Variants in ENOX1 observed in about 807,000 individuals in gnomAD.
ENOX1 encodes the protein ecto-NOX disulfide-thiol exchanger 1.
In ENOX1, 42 loss-of-function variants were observed where a neutral mutation model predicts 82.5. The ratio of observed to expected loss-of-function variants is 0.51; its 90% CI spans 0.40 to 0.66. ENOX1 has a LOEUF of 0.66. ENOX1 is among the 30% of genes least tolerant of loss of function. ENOX1 has a pLI of 0.00. For synonymous variants in ENOX1, 271 were observed against 282.2 expected, an observed-to-expected ratio of 0.96 and a Z score of 0.40; for missense variants, 608 against 811.6, an observed-to-expected ratio of 0.75 and a Z score of 3.05.
chr13:43,676,424 T>A (rs1440205954), intron 1 of ENOX1, among the ~76,000 whole-genome samples: 6 of 152,158 alleles, frequency 3.9e-5, no homozygotes, highest in African/African-American at 1.2e-4. Context: ...TACACTTTCA[T>A]TTTTCATCTA....
intron 12 of ENOX1, among the ~76,000 whole-genome samples, chr13:43,275,196 T>TTTTGTGTA (rs1158646699): frequency 2.0e-5 from 3 of 152,232 alleles, no homozygotes; most frequent in Non-Finnish European, 4.4e-5. Context: ...ACAGACATGC[T>TTTTGTGTA]TTTGTGTATA....
At chr13:43,690,209 A>G (rs1385716409) in intron 1 of ENOX1, among the ~76,000 whole-genome samples, 3 of 151,406 alleles carry the variant, frequency 2.0e-5, no homozygotes, top group Non-Finnish European at 4.4e-5. Flanking sequence ...TTTTGTATTT[A>G]GAACACTCTT....
intron 2 of ENOX1, among the ~76,000 whole-genome samples, chr13:43,569,887 T>C (rs2080099286): frequency 6.6e-6 from 1 of 152,208 alleles, no homozygotes; most frequent in Non-Finnish European, 1.5e-5. Flanking sequence ...CACCACACCC[T>C]GGAAAAAGTT....
intron 2 of ENOX1, among the ~76,000 whole-genome samples, chr13:43,596,712 T>C (rs570644967): frequency 6.6e-6 from 1 of 152,372 alleles, no homozygotes; most frequent in East Asian, 1.9e-4. Flanking sequence ...GAATGGCAGA[T>C]GTACAACATA....
At chr13:43,502,398 G>C (rs1163360347) in intron 2 of ENOX1, among the ~76,000 whole-genome samples, 1 of 151,564 alleles carries the variant, frequency 6.6e-6, no homozygotes. Context: ...CCAAGACAAA[G>C]ATTCCATGAG....
At chr13:43,326,583 G>T in intron 9 of ENOX1, 58 bp from the exon 10 acceptor site, 1 of 1,387,888 alleles carries the variant, frequency 7.2e-7, no homozygotes, top group Non-Finnish European at 1.0e-6. Context: ...TCACTATAGG[G>T]AAGCAAAGCA....
chr13:43,439,727 C>T (rs2056258469), intron 3 of ENOX1, among the ~76,000 whole-genome samples: 1 of 152,060 alleles, frequency 6.6e-6, no homozygotes, highest in Non-Finnish European at 1.5e-5. Context: ...ATGTCTATTC[C>T]TCCTACTAGA....
intron 12 of ENOX1, among the ~76,000 whole-genome samples, chr13:43,280,125 T>G (rs1187031206): frequency 6.6e-6 from 1 of 152,236 alleles, no homozygotes; most frequent in Non-Finnish European, 1.5e-5. Context: ...TGTAGAAATT[T>G]AAAATATTAA....
chr13:43,375,212 T>A (rs1284402710), intron 5 of ENOX1, among the ~76,000 whole-genome samples: 2 of 149,942 alleles, frequency 1.3e-5, no homozygotes, highest in Non-Finnish European at 3.0e-5. Flanking sequence ...TTAACAAGTA[T>A]ACAGAAGTGT....
At chr13:43,302,424 G>T (rs555416067) in intron 11 of ENOX1, among the ~76,000 whole-genome samples, 1 of 152,014 alleles carries the variant, frequency 6.6e-6, no homozygotes, top group Admixed American at 6.6e-5. Context: ...CTTAAGGCCA[G>T]CACAGTCACC....
intron 3 of ENOX1, among the ~76,000 whole-genome samples, chr13:43,441,841 C>CT (rs1017227053): frequency 1.0e-4 from 15 of 148,070 alleles, no homozygotes; most frequent in South Asian, 2.2e-4. Context: ...AGAAAGAACA[C>CT]TTTTTTTTTT....
intron 2 of ENOX1, among the ~76,000 whole-genome samples, chr13:43,588,403 G>C (rs1404249966): frequency 6.6e-6 from 1 of 152,086 alleles, no homozygotes; most frequent in Non-Finnish European, 1.5e-5. Context: ...ATCAGTAATC[G>C]TCATAACGCT....
intron 5 of ENOX1, among the ~76,000 whole-genome samples, chr13:43,407,747 T>G (rs1430080386): frequency 6.6e-6 from 1 of 152,160 alleles, no homozygotes; most frequent in Admixed American, 6.5e-5. Flanking sequence ...CACCTAAGTA[T>G]AATACTTATG....
chr13:43,512,000 T>TATGGATATTATACATATGCCATCC, intron 2 of ENOX1, among the ~76,000 whole-genome samples: 1 of 152,168 alleles, frequency 6.6e-6, no homozygotes, highest in Non-Finnish European at 1.5e-5. Context: ...ATATAGTATC[T>TATGGATATTATACATATGCCATCC]ATGGATATTA....
At chr13:43,343,156 T>A (rs1211464855) in intron 9 of ENOX1, among the ~76,000 whole-genome samples, 1 of 152,224 alleles carries the variant, frequency 6.6e-6, no homozygotes, top group African/African-American at 2.4e-5. Flanking sequence ...AGAAAGTGTA[T>A]TATTAGAATT....
chr13:43,356,219 C>A, intron 7 of ENOX1, 67 bp from the exon 8 acceptor site: 1 of 1,428,400 alleles, frequency 7.0e-7, no homozygotes, highest in Non-Finnish European at 9.7e-7. Context: ...TCCAGACCTT[C>A]AAGGCACGCT....
rs1174448355 is a variant in ENOX1 at position 43,581,125 on chromosome 13, C to CTTTTTTTTTTT, written c.-219+86343_-219+86353dup. Among the ~76,000 whole-genome samples the CTTTTTTTTTTT allele has an allele frequency of 5.2e-4, 40 of 77,100 alleles. 1 individual carries two copies. The highest frequency in any genetic ancestry group is 6.3e-4 in the African/African-American group (12 of 19,144). 50.6% of individuals were successfully genotyped at this position (77,100 alleles called of 152,430 possible). ...TAAGTTATTTTAGCACTACCTGATTCTTTTTTTTTTTTTTTTTTTTTTTTT... is the reference window on the plus strand; with the variant it reads ...TAAGTTATTTTAGCACTACCTGATTCTTTTTTTTTTTTTTTTTTTTTTTTTTTTTTTTTTTT... On this transcript the variant is annotated intron_variant, in intron 2 of 16. Coordinates refer to ENST00000690772, the MANE Select transcript of ENOX1 (RefSeq NM_001347969.2).
intron 2 of ENOX1, among the ~76,000 whole-genome samples, chr13:43,538,817 C>T (rs111988293): frequency 0.024 from 609 of 25,480 alleles, 4 homozygotes; most frequent in African/African-American, 0.066. Context: ...AAAACATTTG[C>T]CTTTCCTCCC....
At chr13:43,418,785 T>C (rs1052265137) in intron 3 of ENOX1, among the ~76,000 whole-genome samples, 1 of 152,240 alleles carries the variant, frequency 6.6e-6, no homozygotes, top group African/African-American at 2.4e-5. Context: ...TGTTAAGATA[T>C]ATTCAAGTAT....
Sources: allele counts gnomAD v4.1 joint callset (sites outside exome capture counted in the v4.1 genomes callset), GRCh38; gene constraint gnomAD v4.1.1; transcripts MANE v1.5; gene names NCBI Gene and HGNC (gene_info 2026-07-23, HGNC 2026-07-21).